The following OR9Q1 variants were observed in gnomAD, a reference collection of about 807,000 sequenced individuals.
The protein encoded by OR9Q1 is olfactory receptor 9Q1.
For synonymous variants in OR9Q1, 153 were observed against 148.6 expected (o/e 1.03, Z -0.22); for missense variants, 374 against 378.8 (o/e 0.99, Z 0.11).
chr11:58,103,714 T>C (rs1257245503), intron 2 of OR9Q1, among the ~76,000 whole-genome samples: 1 of 152,226 alleles, frequency 6.6e-6, no homozygotes, highest in African/African-American at 2.4e-5. Flanking sequence ...GGTGGAATAG[T>C]CACCTCTTTC....
chr11:58,080,598 A>G (rs1255203015), intron 2 of OR9Q1, among the ~76,000 whole-genome samples: 1 of 152,100 alleles, frequency 6.6e-6, no homozygotes, highest in East Asian at 1.9e-4. Flanking sequence ...ACTAATTTAC[A>G]TTTCCACCAA....
chr11:58,121,071 A>T (rs1270528541), intron 2 of OR9Q1, among the ~76,000 whole-genome samples: 1 of 152,132 alleles, frequency 6.6e-6, no homozygotes, highest in African/African-American at 2.4e-5. Flanking sequence ...ACACAAAAAG[A>T]CTAAATATTG....
chr11:58,128,936 G>T (rs1212185444), intron 2 of OR9Q1, among the ~76,000 whole-genome samples: 1 of 152,144 alleles, frequency 6.6e-6, no homozygotes, highest in East Asian at 1.9e-4. Flanking sequence ...AGCATGTCCT[G>T]TTAGATTTAC....
chr11:58,120,802 C>CTATATATATATATATA (rs1216448405), intron 2 of OR9Q1, among the ~76,000 whole-genome samples: 1 of 72,950 alleles, frequency 1.4e-5, no homozygotes, highest in Admixed American at 1.7e-4. Context: ...TATTTCAATA[C>CTATATATATATATATA]CATATATATA....
At chr11:58,037,876 G>A (rs1199865704) in intron 1 of OR9Q1, among the ~76,000 whole-genome samples, 21 of 140,384 alleles carry the variant, frequency 1.5e-4, no homozygotes, top group Non-Finnish European at 2.8e-4. Context: ...CTGCCACCAC[G>A]CCTGGCTAAT....
chr11:58,034,158 T>C (rs1265348665), intron 1 of OR9Q1, among the ~76,000 whole-genome samples: 1 of 142,500 alleles, frequency 7.0e-6, no homozygotes, highest in Non-Finnish European at 1.5e-5. Flanking sequence ...TGATCTCGGC[T>C]CACTGCAAGC....
At chr11:58,061,050 T>G (rs1212861529) in intron 2 of OR9Q1, among the ~76,000 whole-genome samples, 5 of 152,158 alleles carry the variant, frequency 3.3e-5, no homozygotes, top group African/African-American at 1.2e-4. Context: ...TCAATTTATC[T>G]TAGTTGTTGA....
chr11:58,106,732 C>T, intron 2 of OR9Q1, among the ~76,000 whole-genome samples: 1 of 152,108 alleles, frequency 6.6e-6, no homozygotes, highest in East Asian at 1.9e-4. Flanking sequence ...TTTCTTAACA[C>T]CAGTTATCGA....
intron 2 of OR9Q1, among the ~76,000 whole-genome samples, chr11:58,177,315 CA>C (rs1371076750): frequency 6.6e-6 from 1 of 152,184 alleles, no homozygotes; most frequent in East Asian, 1.9e-4. Flanking sequence ...ATAAACTAAA[CA>C]GAGATTCTGT....
intron 1 of OR9Q1, among the ~76,000 whole-genome samples, chr11:58,048,679 A>AAATATATATATATATATATATAT (rs745596668): frequency 3.0e-5 from 4 of 131,430 alleles, no homozygotes; most frequent in African/African-American, 1.1e-4. Flanking sequence ...TAAAAAAAAA[A>AAATATATATATATATATATATAT]ATATATATAT....
chr11:58,037,695 T>G (rs1160070983), intron 1 of OR9Q1, among the ~76,000 whole-genome samples: 1 of 6,256 alleles, frequency 1.6e-4, no homozygotes, highest in Non-Finnish European at 2.5e-4. Context: ...ATATATTTTT[T>G]TTTTTTTTTT....
intron 2 of OR9Q1, among the ~76,000 whole-genome samples, chr11:58,116,476 A>T (rs1428233942): frequency 1.3e-5 from 2 of 152,178 alleles, no homozygotes; most frequent in Non-Finnish European, 2.9e-5. Flanking sequence ...CTCATTTTTC[A>T]TATCCTTGTC....
At chr11:58,072,905 T>A (rs1853501733) in intron 2 of OR9Q1, 1 of 156,094 alleles carries the variant, frequency 6.4e-6, no homozygotes, top group African/African-American at 2.4e-5. Flanking sequence ...ACCAGGACAT[T>A]TAATATGGTC....
At chr11:58,115,966 T>C (rs1481226379) in intron 2 of OR9Q1, among the ~76,000 whole-genome samples, 3 of 152,196 alleles carry the variant, frequency 2.0e-5, no homozygotes, top group Non-Finnish European at 4.4e-5. Context: ...TAAAGCTTTG[T>C]CATATGTGTA....
intron 2 of OR9Q1, among the ~76,000 whole-genome samples, chr11:58,136,379 G>T (rs563084167): frequency 2.0e-5 from 3 of 152,286 alleles, no homozygotes; most frequent in South Asian, 2.1e-4. Flanking sequence ...TCAAATATTT[G>T]TAGGTTTTCA....
chr11:58,119,433 A>T (rs535325972), intron 2 of OR9Q1: 2 of 1,602,978 alleles, frequency 1.2e-6, no homozygotes, highest in Admixed American at 3.4e-5. Flanking sequence ...TGGTGAGATT[A>T]TTCTTGGCCA....
chr11:58,102,981 CTG>C (rs1853799042), intron 2 of OR9Q1, among the ~76,000 whole-genome samples: 1 of 151,892 alleles, frequency 6.6e-6, no homozygotes, highest in African/African-American at 2.4e-5. Context: ...TTGATCTAAT[CTG>C]TTGTTGAAGC....
intron 2 of OR9Q1, among the ~76,000 whole-genome samples, chr11:58,105,170 C>T (rs1349914346): frequency 6.6e-6 from 1 of 151,930 alleles, no homozygotes; most frequent in Non-Finnish European, 1.5e-5. Flanking sequence ...TCTGCATCTA[C>T]ACCCCTGGTT....
chr11:58,079,409 C>T (rs1213965108), intron 2 of OR9Q1, among the ~76,000 whole-genome samples: 1 of 152,112 alleles, frequency 6.6e-6, no homozygotes, highest in Non-Finnish European at 1.5e-5. Context: ...AAATTATATA[C>T]TTTTTAGAGT....
Sources: gnomAD v4.1 joint callset for allele counts (sites outside exome capture counted in the v4.1 genomes callset) on GRCh38, gnomAD v4.1.1 for gene constraint, MANE v1.5 for transcripts, NCBI Gene and HGNC (gene_info 2026-07-23, HGNC 2026-07-21) for gene names.